Variants in DENND1A observed in about 807,000 individuals in gnomAD.
The protein encoded by DENND1A is DENN domain-containing protein 1A.
In DENND1A, 51 loss-of-function variants were observed where a neutral mutation model predicts 113.7. The observed-to-expected ratio is 0.45, with a 90% confidence interval of 0.36 to 0.57. The LOEUF is 0.57. Among genes scored for constraint, DENND1A ranks in the 20% least tolerant of loss-of-function variants. The probability of loss-of-function intolerance (pLI) is 0.00; values close to 1 mark genes in which losing one functional copy is unlikely to be tolerated. For synonymous variants in DENND1A, 565 were observed against 570.8 expected (o/e 0.99, Z 0.14); for missense variants, 1,258 against 1,395.9 (o/e 0.90, Z 1.57).
intron 11 of DENND1A, among the ~76,000 whole-genome samples, chr9:123,605,413 C>T (rs2060111707): frequency 6.6e-6 from 1 of 152,176 alleles, no homozygotes; most frequent in Admixed American, 6.5e-5. Context: ...GTCTCTTGAG[C>T]TAAATTGAGA....
chr9:123,498,495 T>C (rs973796550), intron 13 of DENND1A, among the ~76,000 whole-genome samples: 4 of 152,248 alleles, frequency 2.6e-5, no homozygotes, highest in African/African-American at 7.2e-5. Flanking sequence ...GTCTCTCTTA[T>C]CTCTAAGCCC....
chr9:123,609,624 A>G (rs1450974052), intron 10 of DENND1A, 143 bp from the exon 11 acceptor site: 4 of 974,062 alleles, frequency 4.1e-6, no homozygotes, highest in Non-Finnish European at 5.8e-6. Context: ...AAATCCTAAT[A>G]TGACATTTTG....
chr9:123,707,575 A>G (rs957163013), intron 5 of DENND1A, among the ~76,000 whole-genome samples: 1 of 152,142 alleles, frequency 6.6e-6, no homozygotes, highest in African/African-American at 2.4e-5. Context: ...AAATATATCA[A>G]AGAGAAGGCA....
At chr9:123,576,170 A>G (rs978455174) in intron 12 of DENND1A, among the ~76,000 whole-genome samples, 2 of 152,214 alleles carry the variant, frequency 1.3e-5, no homozygotes, top group Non-Finnish European at 2.9e-5. Flanking sequence ...CTACCTTCAA[A>G]TAATATTATG....
At chr9:123,818,657 T>C (rs1442320177) in intron 2 of DENND1A, among the ~76,000 whole-genome samples, 2 of 151,626 alleles carry the variant, frequency 1.3e-5, no homozygotes, top group African/African-American at 4.9e-5. Flanking sequence ...CTTACACACA[T>C]AGCCTGAAGG....
rs143013673 is a variant in DENND1A, at chr9:123,640,487, C to T, written c.619-10011G>A. On this transcript the variant is annotated intron_variant, in intron 9 of 23. Transcript: ENST00000394215. ...ACTAAATGACTAGGGAGAAGTGGTC[C>T]GTACGCAAAACCTCTTGGGAGTTGC... 1.4e-3 allele frequency among the ~76,000 whole-genome samples: 212 copies of T among 152,284 alleles called. 1 individual carries two copies. Among genetic ancestry groups the T allele is most frequent in the African/African-American group, 4.8e-3 (199 of 41,560 alleles).
At position 123,383,679 on chromosome 9, in the gene DENND1A, C is replaced by A; in HGVS notation, c.1995G>T (p.Glu665Asp). The change falls in exon 23 of 24, where the codon GAG becomes GAT. Residue 665 changes from glutamate to aspartate, a missense_variant. Physicochemically the swap from Glu to Asp is conservative, Grantham distance 45. Coordinates refer to ENST00000394215, the MANE Select transcript of DENND1A (RefSeq NM_001352964.2). ...CCTGATAGTCAAAGGTCCCTGGCTG[C>A]TCCCTCAGGTCTTTGGGGGCACGAA... ...EDLRAPKDLR[E>D]QPGTFDYQRL... The A allele has an allele frequency of 6.2e-7, 1 of 1,614,004 alleles. No homozygotes were observed. Among genetic ancestry groups the A allele is most frequent in the East Asian group, 2.2e-5 (1 of 44,878 alleles).
intron 20 of DENND1A, among the ~76,000 whole-genome samples, chr9:123,407,167 C>CGGGGGGGGGGGGGGGGGG (rs1213276485): frequency 1.3e-4 from 1 of 7,664 alleles, no homozygotes; most frequent in Non-Finnish European, 3.1e-4. Flanking sequence ...GGGGGAGGGG[C>CGGGGGGGGGGGGGGGGGG]GGGGGGGTGG....
At chr9:123,626,156 G>A (rs111311979) in intron 10 of DENND1A, among the ~76,000 whole-genome samples, 163 of 152,186 alleles carry the variant, frequency 1.1e-3, no homozygotes, top group African/African-American at 3.7e-3. Flanking sequence ...GCCTCCCAAA[G>A]TGCTGAGATT....
At position 123,674,340 on chromosome 9, in the gene DENND1A, TCTCACACACACACACACACACA is replaced by T. The variant is rs1233667496; in HGVS notation, c.372+2358_372+2379del. ...CTCTCTGTCTCTGTCTCTGTCTCTC[TCTCACACACACACACACACACA>T]CACACACACACACACACACACACAC... On this transcript the variant is annotated intron_variant, in intron 6 of 23. Coordinates refer to ENST00000394215, the MANE Select transcript of DENND1A (RefSeq NM_001352964.2). Among the ~76,000 whole-genome samples, 107 of 127,816 alleles carry T rather than the reference TCTCACACACACACACACACACA, an allele frequency of 8.4e-4. 1 individual carries two copies. Among genetic ancestry groups the T allele is most frequent in the African/African-American group, 3.0e-3 (95 of 32,030 alleles). 83.9% of individuals were successfully genotyped at this position (127,816 alleles called of 152,430 possible).
At chr9:123,650,479 C>T (rs563241984) in intron 9 of DENND1A, among the ~76,000 whole-genome samples, 1 of 152,140 alleles carries the variant, frequency 6.6e-6, no homozygotes, top group African/African-American at 2.4e-5. Context: ...CTCTCTCTAA[C>T]AGAGGGATGC....
chr9:123,910,454 A>G (rs1853748580), intron 1 of DENND1A, among the ~76,000 whole-genome samples: 1 of 152,260 alleles, frequency 6.6e-6, no homozygotes, highest in Admixed American at 6.5e-5. Context: ...TATATCATAC[A>G]TAAAAATTCA....
intron 13 of DENND1A, among the ~76,000 whole-genome samples, chr9:123,501,952 G>C (rs1328972020): frequency 1.3e-5 from 2 of 152,078 alleles, no homozygotes; most frequent in Non-Finnish European, 2.9e-5. Flanking sequence ...CCTTGTGATA[G>C]TGTAAGTTAA....
chr9:123,905,658 T>C (rs1371540038), intron 1 of DENND1A, among the ~76,000 whole-genome samples: 1 of 150,562 alleles, frequency 6.6e-6, no homozygotes, highest in Non-Finnish European at 1.5e-5. Context: ...AAGAGCTAAC[T>C]ATCCTAAATA....
intron 1 of DENND1A, among the ~76,000 whole-genome samples, chr9:123,919,277 G>T (rs367710756): frequency 3.2e-4 from 49 of 151,946 alleles, no homozygotes; most frequent in African/African-American, 1.1e-3. Flanking sequence ...TTTGAAACCA[G>T]CCTGACCAAC....
intron 5 of DENND1A, among the ~76,000 whole-genome samples, chr9:123,737,631 G>A (rs2068669295): frequency 6.6e-6 from 1 of 152,110 alleles, no homozygotes; most frequent in African/African-American, 2.4e-5. Flanking sequence ...AGAGTATTAT[G>A]TGGCAAAAGT....
chr9:123,674,342 T>TCACACACACACA (rs546398875), intron 6 of DENND1A, among the ~76,000 whole-genome samples: 37 of 132,372 alleles, frequency 2.8e-4, no homozygotes, highest in East Asian at 1.8e-3. Flanking sequence ...TGTCTCTCTC[T>TCACACACACACA]CACACACACA....
intron 2 of DENND1A, among the ~76,000 whole-genome samples, chr9:123,830,430 T>C (rs1840001966): frequency 6.6e-6 from 1 of 152,262 alleles, no homozygotes; most frequent in South Asian, 2.1e-4. Flanking sequence ...GGTGTATACA[T>C]GTTTCAAAAT....
intron 4 of DENND1A, among the ~76,000 whole-genome samples, chr9:123,766,411 T>C (rs1186773794): frequency 1.3e-5 from 2 of 152,204 alleles, no homozygotes; most frequent in African/African-American, 4.8e-5. Context: ...CTCTACATCC[T>C]GAACCTTCCT....
Sources: allele counts gnomAD v4.1 joint callset (sites outside exome capture counted in the v4.1 genomes callset), GRCh38; gene constraint gnomAD v4.1.1; transcripts MANE v1.5; gene names NCBI Gene and HGNC (gene_info 2026-07-23, HGNC 2026-07-21).